The following COL4A5 variants were observed in gnomAD, a reference collection of about 807,000 sequenced individuals.
The protein encoded by COL4A5 is collagen type IV alpha 5 chain, also known as collagen alpha-5(IV) chain.
COL4A5 carries 26 observed loss-of-function variants against 130.2 expected under a neutral mutation model. The ratio of observed to expected loss-of-function variants is 0.20; its 90% CI spans 0.15 to 0.28. COL4A5 has a LOEUF of 0.28. Ranked by LOEUF, COL4A5 falls within the 10% of genes least tolerant of loss-of-function variation. COL4A5 has a pLI of 1.00. For synonymous variants in COL4A5, 496 were observed against 439.6 expected, an observed-to-expected ratio of 1.13 and a Z score of -1.60; for missense variants, 1,131 against 1,344.3, an observed-to-expected ratio of 0.84 and a Z score of 2.48.
At position 108,685,450 on chromosome X, in the gene COL4A5, C is replaced by T. The variant is rs142301138; in HGVS notation, c.4217-581C>T. On this transcript the variant is annotated intron_variant, in intron 47 of 52. Coordinates refer to ENST00000328300, the MANE Select transcript of COL4A5 (RefSeq NM_033380.3). ...CCTCTGGCTGTTCCAATTTGAACAA[C>T]TAATTAATGTTAGAAAAATTTATAA... 5.3e-3 allele frequency among the ~76,000 whole-genome samples: 595 copies of T among 112,194 alleles called. 3 individuals carry two copies. Among genetic ancestry groups the T allele is most frequent in the African/African-American group, 0.018 (556 of 30,893 alleles).
intron 21 of COL4A5, among the ~76,000 whole-genome samples, chrX:108,591,993 A>C (rs2066445105): frequency 9.0e-6 from 1 of 111,487 alleles, no homozygotes; most frequent in Admixed American, 9.5e-5. Context: ...TCCATTCATA[A>C]ATCCATGATT....
intron 21 of COL4A5, among the ~76,000 whole-genome samples, chrX:108,593,130 C>T (rs912200640): frequency 9.0e-6 from 1 of 111,231 alleles, no homozygotes; most frequent in Non-Finnish European, 1.9e-5. Context: ...TATTCTTGTA[C>T]GTGTATTTTT....
chrX:108,488,706 A>G (rs1015130837), intron 1 of COL4A5, among the ~76,000 whole-genome samples: 45 of 112,204 alleles, frequency 4.0e-4, no homozygotes, highest in African/African-American at 1.4e-3. Flanking sequence ...AGATCCTGTG[A>G]TATTTATAAA....
intron 36 of COL4A5, among the ~76,000 whole-genome samples, chrX:108,634,213 C>A (rs76488576): frequency 6.4e-3 from 417 of 64,726 alleles, no homozygotes; most frequent in Non-Finnish European, 7.7e-3. Flanking sequence ...GAAAGTGCAA[C>A]AAAAAAAAAA....
intron 19 of COL4A5, among the ~76,000 whole-genome samples, chrX:108,589,160 A>C (rs976362749): frequency 9.0e-6 from 1 of 111,159 alleles, no homozygotes; most frequent in African/African-American, 3.3e-5. Flanking sequence ...TGCAGAGAGA[A>C]TAAGGATAAG....
At chrX:108,623,411 A>G (rs192838630) in intron 33 of COL4A5, among the ~76,000 whole-genome samples, 1 of 106,830 alleles carries the variant, frequency 9.4e-6, no homozygotes, top group Non-Finnish European at 2.0e-5. Context: ...AAACAAATAC[A>G]GCGTAAAATA....
chrX:108,560,264 T>C (rs1236305344), intron 3 of COL4A5, among the ~76,000 whole-genome samples: 1 of 111,866 alleles, frequency 8.9e-6, no homozygotes, highest in Non-Finnish European at 1.9e-5. Context: ...GCCAGGAGGC[T>C]TTTTTCTTAA....
At chrX:108,465,720 G>T (rs558106847) in intron 1 of COL4A5, among the ~76,000 whole-genome samples, 1 of 111,315 alleles carries the variant, frequency 9.0e-6, no homozygotes, top group African/African-American at 3.3e-5. Flanking sequence ...TAGATATTTG[G>T]TGCTTTTAAC....
chrX:108,670,355 A>G, intron 42 of COL4A5, 119 bp downstream of exon 42: 2 of 1,119,527 alleles, frequency 1.8e-6, no homozygotes, highest in Non-Finnish European at 2.4e-6. Flanking sequence ...CAATTCTTAC[A>G]TAGTGGCTTA....
chrX:108,563,794 T>G, intron 3 of COL4A5, 88 bp from the exon 4 acceptor site: 1 of 739,365 alleles, frequency 1.4e-6, no homozygotes, highest in South Asian at 2.3e-5. Flanking sequence ...ATGTTTACAG[T>G]AGTTTAAATC....
At chrX:108,467,377 T>C (rs984871357) in intron 1 of COL4A5, among the ~76,000 whole-genome samples, 4 of 112,129 alleles carry the variant, frequency 3.6e-5, no homozygotes, top group Non-Finnish European at 5.6e-5. Context: ...TTTATGCCAG[T>C]ACCACACTGT....
intron 25 of COL4A5, 48 bp downstream of exon 25, chrX:108,598,918 T>C (rs1288517363): frequency 8.6e-7 from 1 of 1,160,846 alleles, no homozygotes. Context: ...AAAACAGAAA[T>C]TTATTATGTT....
At chrX:108,518,969 G>A (rs2147605566) in intron 1 of COL4A5, among the ~76,000 whole-genome samples, 1 of 111,630 alleles carries the variant, frequency 9.0e-6, no homozygotes. Context: ...TCAAATATTG[G>A]AAAAGTCAAG....
At chrX:108,602,118 T>TA (rs1018545255) in intron 27 of COL4A5, 129 bp downstream of exon 27, 20 of 442,259 alleles carry the variant, frequency 4.5e-5, no homozygotes, top group Non-Finnish European at 6.1e-5. Flanking sequence ...AGAATGTAAA[T>TA]AAAAAATCAC....
At chrX:108,490,767 C>T (rs925674699) in intron 1 of COL4A5, among the ~76,000 whole-genome samples, 3 of 110,661 alleles carry the variant, frequency 2.7e-5, no homozygotes, top group African/African-American at 9.9e-5. Context: ...GCTTAGTACC[C>T]AATAGTTATC....
chrX:108,473,967 G>A (rs1466502062), intron 1 of COL4A5, among the ~76,000 whole-genome samples: 1 of 110,482 alleles, frequency 9.1e-6, no homozygotes, highest in Non-Finnish European at 1.9e-5. Context: ...CAATATATCT[G>A]TGTTTTCAGC....
At chrX:108,648,307 C>T (rs1222174945) in intron 36 of COL4A5, among the ~76,000 whole-genome samples, 3 of 110,971 alleles carry the variant, frequency 2.7e-5, no homozygotes, top group East Asian at 5.7e-4. Flanking sequence ...GAATTCACAA[C>T]AGAATTCTGC....
intron 8 of COL4A5, 111 bp from the exon 9 acceptor site, chrX:108,573,448 ACTGAGATGGCCTAAT>A (rs752904830): frequency 1.8e-6 from 1 of 554,656 alleles, no homozygotes; most frequent in East Asian, 3.3e-5. Context: ...CATTTTTATT[ACTGAGATGGCCTAAT>A]CTTTTAGTAC....
chrX:108,542,147 T>C (rs1350210805), intron 2 of COL4A5, among the ~76,000 whole-genome samples: 1 of 111,954 alleles, frequency 8.9e-6, no homozygotes, highest in Non-Finnish European at 1.9e-5. Context: ...CTAGGGTACA[T>C]GTGCACAACG....
Sources: gnomAD v4.1 joint callset for allele counts (sites outside exome capture counted in the v4.1 genomes callset) on GRCh38, gnomAD v4.1.1 for gene constraint, MANE v1.5 for transcripts, NCBI Gene and HGNC (gene_info 2026-07-23, HGNC 2026-07-21) for gene names.